Variants in FOXN3 observed in about 807,000 individuals in gnomAD.
FOXN3 encodes forkhead box protein N3.
A neutral mutation model predicts 38.4 loss-of-function variants in FOXN3; 7 were observed. That is an observed-to-expected ratio of 0.18 (90% CI 0.10 to 0.34). The LOEUF is 0.34. FOXN3 is among the 10% of genes least tolerant of loss of function. FOXN3 has a pLI of 1.00. For missense variants in FOXN3, 456 were observed against 613.4 expected (o/e 0.74, Z 2.71); for synonymous variants, 230 against 242.2 (o/e 0.95, Z 0.47).
chr14:89,460,047 T>C (rs567670946), intron 1 of FOXN3, among the ~76,000 whole-genome samples: 1 of 152,192 alleles, frequency 6.6e-6, no homozygotes, highest in Non-Finnish European at 1.5e-5. Context: ...CTCAGCACCC[T>C]ATCTGGAGTT....
intron 4 of FOXN3, among the ~76,000 whole-genome samples, chr14:89,181,689 C>T (rs1887679300): frequency 6.6e-6 from 1 of 152,250 alleles, no homozygotes; most frequent in Admixed American, 6.5e-5. Context: ...GATCTCCACA[C>T]CAGCCTGATT....
chr14:89,466,400 G>A lies in FOXN3; in HGVS notation c.-14-53910C>T, dbSNP rs114980338. On this transcript the variant is annotated intron_variant, in intron 1 of 6. Coordinates refer to the FOXN3 transcript ENST00000345097. ...TCTTTTGCATCCTCTTCCAATTGAC[G>A]GCAAATGCAGGGAATATGTTTTTCG... 6.3e-3 allele frequency among the ~76,000 whole-genome samples: 956 copies of A among 152,200 alleles called. 11 individuals carry two copies. Among genetic ancestry groups the A allele is most frequent in the African/African-American group, 0.021 (878 of 41,528 alleles).
At chr14:89,450,889 T>C (rs1458450163) in intron 1 of FOXN3, among the ~76,000 whole-genome samples, 1 of 152,214 alleles carries the variant, frequency 6.6e-6, no homozygotes, top group Non-Finnish European at 1.5e-5. Context: ...AAGACTTGCC[T>C]GTTAAACTAA....
At chr14:89,343,627 G>T (rs1317338618) in intron 3 of FOXN3, among the ~76,000 whole-genome samples, 23 of 140,628 alleles carry the variant, frequency 1.6e-4, no homozygotes, top group Admixed American at 3.6e-4. Context: ...AATGTGTGTG[G>T]TTTTTTTTTT....
At chr14:89,551,503 C>T (rs1475901830) in intron 1 of FOXN3, among the ~76,000 whole-genome samples, 3 of 152,154 alleles carry the variant, frequency 2.0e-5, no homozygotes, top group Non-Finnish European at 4.4e-5. Flanking sequence ...CAAAAAAGGT[C>T]ACAGCACTCA....
chr14:89,187,707 A>G (rs1033249369), intron 4 of FOXN3, among the ~76,000 whole-genome samples: 1 of 152,180 alleles, frequency 6.6e-6, no homozygotes, highest in Non-Finnish European at 1.5e-5. Flanking sequence ...AGAAAGAGTG[A>G]AGCCAGAAAG....
chr14:89,443,579 C>T (rs1376447900), intron 1 of FOXN3, among the ~76,000 whole-genome samples: 3 of 152,258 alleles, frequency 2.0e-5, no homozygotes, highest in East Asian at 3.9e-4. Flanking sequence ...AATATTCTAC[C>T]GTGTTCTTTA....
At chr14:89,545,750 C>G (rs1161869241) in intron 1 of FOXN3, among the ~76,000 whole-genome samples, 2 of 152,172 alleles carry the variant, frequency 1.3e-5, no homozygotes, top group Non-Finnish European at 2.9e-5. Flanking sequence ...TCCTCAGGAG[C>G]TTGTGAAGGT....
rs58769284 is a variant in FOXN3, at chr14:89,555,882, G to GTGTGTGTGTGTGTGTGTGT, written c.-15+63145_-15+63146insACACACACACACACACACA. On this transcript the variant is annotated intron_variant, in intron 1 of 6. Coordinates refer to the FOXN3 transcript ENST00000345097. The stretch of plus-strand genomic sequence containing the variant: ...GTGTGTGTGTGTGTGTGTGTATGTG[G>GTGTGTGTGTGTGTGTGTGT]GGGTGTATGTGGGGGTGTGTGTGTT... 3.6e-4 allele frequency among the ~76,000 whole-genome samples: 38 copies of GTGTGTGTGTGTGTGTGTGT among 104,660 alleles called. 1 individual carries two copies. The highest frequency in any genetic ancestry group is 6.1e-4 in the Non-Finnish European group (30 of 49,344). The allele number at this position is 104,660 out of a possible 152,430, so 68.7% of individuals were successfully genotyped here. A position where few individuals can be genotyped will look rare whatever the true frequency, so the allele number is the denominator to read the frequency against.
chr14:89,295,653 T>C (rs942257443), intron 3 of FOXN3, among the ~76,000 whole-genome samples: 19 of 151,964 alleles, frequency 1.3e-4, no homozygotes, highest in Admixed American at 5.9e-4. Flanking sequence ...AGTGGCACAA[T>C]CGCAGCTCAC....
intron 1 of FOXN3, among the ~76,000 whole-genome samples, chr14:89,497,441 T>C (rs1893709452): frequency 6.7e-6 from 1 of 148,888 alleles, no homozygotes; most frequent in Non-Finnish European, 1.5e-5. Flanking sequence ...AGTTTTGCTC[T>C]TGTTGCCCAG....
At chr14:89,613,266 C>T (rs182287530) in intron 1 of FOXN3, among the ~76,000 whole-genome samples, 69 of 152,222 alleles carry the variant, frequency 4.5e-4, no homozygotes, top group African/African-American at 1.7e-3. Context: ...ACTAGGCACA[C>T]ATTTGGAGAA....
intron 1 of FOXN3, among the ~76,000 whole-genome samples, chr14:89,609,760 C>G (rs1402432873): frequency 2.0e-5 from 3 of 151,918 alleles, no homozygotes; most frequent in Non-Finnish European, 4.4e-5. Context: ...TTCCAGAGCA[C>G]GATCAAGGTC....
intron 1 of FOXN3, among the ~76,000 whole-genome samples, chr14:89,499,152 C>T (rs1893745617): frequency 6.6e-6 from 1 of 152,128 alleles, no homozygotes. Flanking sequence ...GGCCTCCTCC[C>T]ACCCCACCCT....
At chr14:89,476,162 T>C (rs1031538022) in intron 1 of FOXN3, among the ~76,000 whole-genome samples, 4 of 152,240 alleles carry the variant, frequency 2.6e-5, no homozygotes. Context: ...ACACACACCT[T>C]TTTGTACTAG....
chr14:89,453,677 T>C (rs977224943), intron 1 of FOXN3, among the ~76,000 whole-genome samples: 1 of 151,802 alleles, frequency 6.6e-6, no homozygotes, highest in Admixed American at 6.6e-5. Flanking sequence ...ACCACAAAAT[T>C]GAAAAGATGG....
chr14:89,592,571 T>G (rs993115208), intron 1 of FOXN3, among the ~76,000 whole-genome samples: 9 of 152,154 alleles, frequency 5.9e-5, no homozygotes, highest in Non-Finnish European at 1.2e-4. Context: ...AAACTAGACG[T>G]TCATTGAGTA....
intron 3 of FOXN3, among the ~76,000 whole-genome samples, chr14:89,336,171 C>CACACACAT (rs67494486): frequency 9.5e-5 from 9 of 94,880 alleles, no homozygotes; most frequent in African/African-American, 2.7e-4. Context: ...CACACACACA[C>CACACACAT]ATTCATAATC....
At chr14:89,580,647 C>G (rs1239808399) in intron 1 of FOXN3, among the ~76,000 whole-genome samples, 1 of 152,186 alleles carries the variant, frequency 6.6e-6, no homozygotes, top group East Asian at 1.9e-4. Context: ...GGCAGCTCTC[C>G]CTCAAATATG....
Sources: gnomAD v4.1 joint callset for allele counts (sites outside exome capture counted in the v4.1 genomes callset) on GRCh38, gnomAD v4.1.1 for gene constraint, MANE v1.5 for transcripts, NCBI Gene and HGNC (gene_info 2026-07-23, HGNC 2026-07-21) for gene names.